NCOR1: variants seen among roughly 807,000 people sequenced by gnomAD.
NCOR1 encodes the protein nuclear receptor corepressor 1.
In NCOR1, 63 loss-of-function variants were observed where a neutral mutation model predicts 288.1. The ratio of observed to expected loss-of-function variants is 0.22; its 90% CI spans 0.18 to 0.27. NCOR1 has a LOEUF of 0.27. NCOR1 is among the 10% of genes least tolerant of loss of function. NCOR1 has a pLI of 1.00. For synonymous variants in NCOR1, 1,007 were observed against 1,065.9 expected (o/e 0.94, Z 1.08); for missense variants, 2,397 against 3,019.2 (o/e 0.79, Z 4.83).
At chr17:16,176,551 G>A (rs2084235419) in intron 3 of NCOR1, among the ~76,000 whole-genome samples, 4 of 150,588 alleles carry the variant, frequency 2.7e-5, no homozygotes, top group Admixed American at 2.6e-4. Flanking sequence ...CTGCAGGTGT[G>A]AGCCACCACG....
rs1488066160 is a variant in NCOR1, at chr17:16,086,371, T to C, written c.3088A>G (p.Thr1030Ala). The C allele has an allele frequency of 1.2e-6, 2 of 1,614,006 alleles. No individual in the cohort carries two copies. Among genetic ancestry groups the C allele is most frequent in the African/African-American group, 1.3e-5 (1 of 74,920 alleles). The change falls in exon 23 of 46, where the codon ACC becomes GCC. Residue 1030 changes from threonine to alanine, a missense_variant. Thr to Ala is a moderately conservative substitution (Grantham distance 58). Coordinates refer to ENST00000268712, the MANE Select transcript of NCOR1 (RefSeq NM_006311.4). Reference sequence around the variant, plus strand: ...GGGATGAGAGGGGGCGGTGGCCTGGTTGGTCGAGTTGTCGGAAGCCGAACG... The same window carrying C: ...GGGATGAGAGGGGGCGGTGGCCTGGCTGGTCGAGTTGTCGGAAGCCGAACG... ...EGVRLPTTRP[T>A]RPPPPLIPSS...
chr17:16,071,681 A>G lies in NCOR1; in HGVS notation c.3896-16T>C. 1.9e-6 allele frequency: 3 copies of G among 1,604,226 alleles called. No homozygotes were observed. The highest frequency in any genetic ancestry group is 2.6e-6 in the Non-Finnish European group (3 of 1,175,120). On this transcript the variant is annotated splice_polypyrimidine_tract_variant and intron_variant, in intron 29 of 45. Coordinates refer to ENST00000268712, the MANE Select transcript of NCOR1 (RefSeq NM_006311.4). ...CTTGGTGTCCCTTGAAAAAGAATTC[A>G]GGAAACATTAAAATAATGCTGATGG...
chr17:16,072,220 A>C lies in NCOR1; in HGVS notation c.3820T>G (p.Cys1274Gly), dbSNP rs202087289. 7 of 1,610,356 alleles carry C rather than the reference A, an allele frequency of 4.3e-6. No homozygotes were observed. Among genetic ancestry groups the C allele is most frequent in the Middle Eastern group, 1.7e-4 (1 of 6,050 alleles). ...PVSAPLEGLI[C>G]RALPRGSPHS... is the part of the protein sequence containing the mutation. ...GGACTCCCCCTGGGTAATGCTCGGCATATCAGCCCTTCCAAAACAAGAAAG... is the reference window on the plus strand; with the variant it reads ...GGACTCCCCCTGGGTAATGCTCGGCCTATCAGCCCTTCCAAAACAAGAAAG... The change falls in exon 29 of 46, where the codon TGC (cysteine) becomes GGC (glycine). Residue 1274 changes from cysteine to glycine, a missense_variant. Physicochemically the swap from Cys to Gly is radical, Grantham distance 159 (BLOSUM62 -3). This residue lies in a region of NCOR1 where 1,872 missense variants were observed against 2,187.8 expected (regional missense o/e 0.86). Transcript: ENST00000268712.
rs189541613 is a variant in NCOR1 at position 16,111,939 on chromosome 17, G to A, written c.2056-3027C>T. ...GGCTGGAGTGCAGTGGCGCCATCTCGGCTCACTGCAAGCTCCGGCTCCCGG... is the reference window on the plus strand; with the variant it reads ...GGCTGGAGTGCAGTGGCGCCATCTCAGCTCACTGCAAGCTCCGGCTCCCGG... On this transcript the variant is annotated intron_variant, in intron 18 of 45. Transcript: ENST00000268712. 5.0e-4 allele frequency among the ~76,000 whole-genome samples: 76 copies of A among 151,898 alleles called. 1 individual carries two copies. The East Asian group carries it at 0.011, about 22-fold the overall frequency.
intron 3 of NCOR1, among the ~76,000 whole-genome samples, chr17:16,175,575 C>T (rs1263790486): frequency 2.0e-5 from 3 of 152,072 alleles, no homozygotes; most frequent in African/African-American, 7.2e-5. Flanking sequence ...ATATTCCATA[C>T]TCAATGTTTT....
chr17:16,058,109 T>C (rs1380938021), intron 38 of NCOR1, 45 bp from the exon 39 acceptor site: 5 of 1,581,680 alleles, frequency 3.2e-6, no homozygotes, highest in Non-Finnish European at 4.3e-6. Flanking sequence ...ATGTCTGTGC[T>C]TTTCACTCAT....
At chr17:16,074,996 T>C (rs2062244938) in intron 27 of NCOR1, among the ~76,000 whole-genome samples, 1 of 152,020 alleles carries the variant, frequency 6.6e-6, no homozygotes, top group Non-Finnish European at 1.5e-5. Flanking sequence ...GCCTCCCGAG[T>C]AGCTGGGACT....
At chr17:16,097,194 T>C (rs1306142590) in intron 21 of NCOR1, among the ~76,000 whole-genome samples, 3 of 152,224 alleles carry the variant, frequency 2.0e-5, no homozygotes, top group Non-Finnish European at 4.4e-5. Flanking sequence ...GGCCTCTAGA[T>C]TGCCTCAGGA....
At chr17:16,106,733 T>A (rs1447709199) in intron 19 of NCOR1, among the ~76,000 whole-genome samples, 1 of 151,314 alleles carries the variant, frequency 6.6e-6, no homozygotes, top group East Asian at 1.9e-4. Flanking sequence ...ACTTTCCAAA[T>A]GAAGCTAAGT....
chr17:16,099,330 T>C (rs537701764), intron 20 of NCOR1, among the ~76,000 whole-genome samples: 6 of 152,186 alleles, frequency 3.9e-5, no homozygotes, highest in African/African-American at 1.4e-4. Flanking sequence ...AGTGTTGTCA[T>C]GGTCACTGGG....
chr17:16,114,561 T>C (rs937444114), intron 18 of NCOR1, among the ~76,000 whole-genome samples: 17 of 152,144 alleles, frequency 1.1e-4, no homozygotes, highest in African/African-American at 3.9e-4. Context: ...CTAGATACAA[T>C]GGGGGCACAG....
intron 18 of NCOR1, among the ~76,000 whole-genome samples, chr17:16,113,409 G>A (rs904142191): frequency 1.3e-5 from 2 of 152,156 alleles, no homozygotes; most frequent in South Asian, 2.1e-4. Context: ...TTTGGTTGAA[G>A]TATAAGAAAA....
In NCOR1 at chr17:16,064,951, G is replaced by A. The variant is rs2060957565; in HGVS notation, c.5020C>T (p.Pro1674Ser). 1.2e-6 allele frequency: 2 copies of A among 1,613,954 alleles called. No individual in the cohort carries two copies. The highest frequency in any genetic ancestry group is 2.7e-5 in the African/African-American group (2 of 75,020). The change falls in exon 34 of 46, where the codon CCC becomes TCC. Residue 1674 changes from proline to serine, a missense_variant. Around this residue, in one of 11 missense-constraint regions of NCOR1, gnomAD observed 1,872 missense variants for 2,187.8 expected, o/e 0.86. Transcript: ENST00000268712. ...VPHPGGTSTP[P>S]MDRITYIPGT... Reference sequence around the variant, plus strand: ...GGAATATAAGTGATTCTGTCCATGGGAGGAGTGCTTGTTCCCCCTGGATGA... The same window carrying A: ...GGAATATAAGTGATTCTGTCCATGGAAGGAGTGCTTGTTCCCCCTGGATGA...
At chr17:16,090,815 G>A (rs1465411722) in intron 22 of NCOR1, among the ~76,000 whole-genome samples, 1 of 152,152 alleles carries the variant, frequency 6.6e-6, no homozygotes, top group Non-Finnish European at 1.5e-5. Context: ...AGCAGGATCA[G>A]TTAAGTACCA....
intron 10 of NCOR1, among the ~76,000 whole-genome samples, chr17:16,144,155 T>C (rs1274728565): frequency 6.6e-6 from 1 of 152,238 alleles, no homozygotes; most frequent in Admixed American, 6.5e-5. Context: ...TTTAAAATCT[T>C]TGTAAAATAT....
chr17:16,171,921 G>A lies in NCOR1; in HGVS notation c.317C>T (p.Ser106Leu), dbSNP rs2083208171. ...PSPVDHDSLESKRPRLEQVSD... is the reference protein window; with the variant it reads ...PSPVDHDSLELKRPRLEQVSD... ...AACCTGTTCCAGACGTGGTCGCTTCGATTCCAGTGAATCATGATCCACTGG... is the reference window on the plus strand; with the variant it reads ...AACCTGTTCCAGACGTGGTCGCTTCAATTCCAGTGAATCATGATCCACTGG... The change falls in exon 4 of 46, where the codon TCG becomes TTG. Residue 106 changes from serine (S) to leucine (L), a missense_variant. Coordinates refer to ENST00000268712, the MANE Select transcript of NCOR1 (RefSeq NM_006311.4). 2 of 1,612,594 alleles carry A rather than the reference G, an allele frequency of 1.2e-6. No individual in the cohort carries two copies. Among genetic ancestry groups the A allele is most frequent in the African/African-American group, 1.3e-5 (1 of 74,882 alleles).
chr17:16,042,997 G>A (rs1231277879), intron 42 of NCOR1, among the ~76,000 whole-genome samples: 2 of 152,126 alleles, frequency 1.3e-5, no homozygotes, highest in African/African-American at 4.8e-5. Flanking sequence ...GGGCTAAGAA[G>A]TGAGCCCTGG....
intron 40 of NCOR1, chr17:16,057,167 C>T (rs977864183): frequency 8.5e-6 from 2 of 235,082 alleles, no homozygotes; most frequent in African/African-American, 2.3e-5. Flanking sequence ...CTGATGCTGA[C>T]CCAGTAGAAA....
chr17:16,193,930 T>C (rs536006506), intron 2 of NCOR1, among the ~76,000 whole-genome samples: 17 of 152,118 alleles, frequency 1.1e-4, no homozygotes, highest in African/African-American at 3.9e-4. Flanking sequence ...ACCCATAACC[T>C]TGGTCTACTC....
Sources: gnomAD v4.1 joint callset for allele counts (sites outside exome capture counted in the v4.1 genomes callset) on GRCh38, gnomAD v4.1.1 for gene constraint, gnomAD v4.1.1 regional missense constraint, MANE v1.5 for transcripts, NCBI Gene and HGNC (gene_info 2026-07-23, HGNC 2026-07-21) for gene names.